Variants in SEMA3C observed in about 807,000 individuals in gnomAD.
The protein encoded by SEMA3C is semaphorin 3C, also known as semaphorin-3C.
SEMA3C carries 47 observed loss-of-function variants against 89.4 expected under a neutral mutation model. The ratio of observed to expected loss-of-function variants is 0.53; its 90% CI spans 0.42 to 0.67. The LOEUF is 0.67. Ranked by LOEUF, SEMA3C falls within the 30% of genes least tolerant of loss-of-function variation. SEMA3C has a pLI of 0.00. For synonymous variants in SEMA3C, 310 were observed against 320.2 expected (o/e 0.97, Z 0.34); for missense variants, 839 against 929.1 (o/e 0.90, Z 1.26).
In SEMA3C at chr7:80,787,622, G is replaced by T. The variant is rs1307982104; in HGVS notation, c.1354+1684C>A. Among the ~76,000 whole-genome samples, 6 of 152,100 alleles carry T rather than the reference G, an allele frequency of 3.9e-5. No homozygotes were observed. In the South Asian group the frequency reaches 1.0e-3, roughly 26 times the overall value. On this transcript the variant is annotated intron_variant, in intron 12 of 17. Transcript: ENST00000265361. ...AAAGCCTATATTTTTCTTATCATGA[G>T]ACCATGTAAGACCTTGACAAAATCT... is the stretch of plus-strand genomic sequence containing the variant.
intron 11 of SEMA3C, among the ~76,000 whole-genome samples, chr7:80,794,977 G>A (rs375074125): frequency 1.3e-5 from 2 of 152,166 alleles, no homozygotes; most frequent in Non-Finnish European, 2.9e-5. Context: ...ACATTAGAAC[G>A]AGGGTATGAG....
intron 2 of SEMA3C, among the ~76,000 whole-genome samples, chr7:80,847,986 T>A (rs532917969): frequency 6.6e-5 from 10 of 152,326 alleles, no homozygotes; most frequent in African/African-American, 2.2e-4. Flanking sequence ...TACCCCAACA[T>A]AAACTTTGAA....
chr7:80,763,334 T>C (rs1017872296), intron 13 of SEMA3C, among the ~76,000 whole-genome samples: 2 of 152,172 alleles, frequency 1.3e-5, no homozygotes, highest in South Asian at 4.1e-4. Flanking sequence ...CCAATTATTT[T>C]TACCTCACCT....
At chr7:80,839,769 GTA>G (rs1252031925) in intron 2 of SEMA3C, among the ~76,000 whole-genome samples, 1 of 151,710 alleles carries the variant, frequency 6.6e-6, no homozygotes, top group Non-Finnish European at 1.5e-5. Flanking sequence ...ACCTGACATG[GTA>G]TATCATGTCA....
At chr7:80,822,552 T>C (rs1321587354) in intron 4 of SEMA3C, among the ~76,000 whole-genome samples, 2 of 152,256 alleles carry the variant, frequency 1.3e-5, no homozygotes, top group African/African-American at 2.4e-5. Flanking sequence ...CATCCTACCA[T>C]AGTCTTCAGA....
chr7:80,905,228 G>A (rs1271867556), intron 2 of SEMA3C, among the ~76,000 whole-genome samples: 34 of 113,542 alleles, frequency 3.0e-4, no homozygotes, highest in African/African-American at 1.1e-3. Context: ...GAGACAGGGA[G>A]AGAGAGGGAG....
intron 15 of SEMA3C, among the ~76,000 whole-genome samples, chr7:80,754,234 G>T (rs920341728): frequency 6.6e-6 from 1 of 152,012 alleles, no homozygotes; most frequent in African/African-American, 2.4e-5. Context: ...ACTGCGCCCG[G>T]CATGTTTACT....
At chr7:80,840,043 G>A (rs1306177141) in intron 2 of SEMA3C, among the ~76,000 whole-genome samples, 1 of 151,798 alleles carries the variant, frequency 6.6e-6, no homozygotes, top group Non-Finnish European at 1.5e-5. Flanking sequence ...GAAGTCTCTT[G>A]TCCCTCTCAC....
intron 12 of SEMA3C, among the ~76,000 whole-genome samples, chr7:80,781,760 T>C (rs1788695949): frequency 6.6e-6 from 1 of 152,154 alleles, no homozygotes; most frequent in Non-Finnish European, 1.5e-5. Context: ...GTCTTCAGGC[T>C]AGAAAATTTT....
At chr7:80,881,301 C>G (rs753315365) in intron 2 of SEMA3C, among the ~76,000 whole-genome samples, 1 of 152,042 alleles carries the variant, frequency 6.6e-6, no homozygotes, top group African/African-American at 2.4e-5. Flanking sequence ...AAATATTGTT[C>G]TACTTATAGT....
At chr7:80,765,664 C>A (rs573379614) in intron 12 of SEMA3C, among the ~76,000 whole-genome samples, 10 of 152,232 alleles carry the variant, frequency 6.6e-5, no homozygotes, top group Admixed American at 1.3e-4. Context: ...GCAACCTCCA[C>A]CTTCCGGGTT....
intron 2 of SEMA3C, among the ~76,000 whole-genome samples, chr7:80,835,591 G>GA (rs1291929065): frequency 2.7e-5 from 4 of 150,084 alleles, no homozygotes; most frequent in Non-Finnish European, 3.0e-5. Context: ...TGTCTGTTTA[G>GA]AAAAAAAAAT....
At chr7:80,863,660 C>CATAT (rs57236307) in intron 2 of SEMA3C, among the ~76,000 whole-genome samples, 54 of 147,326 alleles carry the variant, frequency 3.7e-4, no homozygotes, top group Admixed American at 1.7e-3. Context: ...ATATATATCA[C>CATAT]ATATATATAT....
chr7:80,870,893 CAG>C (rs2116045580), intron 2 of SEMA3C, among the ~76,000 whole-genome samples: 1 of 152,258 alleles, frequency 6.6e-6, no homozygotes, highest in East Asian at 1.9e-4. Context: ...CAAATCGCTC[CAG>C]AGATGCCACA....
At chr7:80,879,774 T>C (rs970646149) in intron 2 of SEMA3C, among the ~76,000 whole-genome samples, 4 of 152,164 alleles carry the variant, frequency 2.6e-5, no homozygotes, top group African/African-American at 9.7e-5. Flanking sequence ...AACACCAACA[T>C]AGAATAAGCA....
intron 12 of SEMA3C, among the ~76,000 whole-genome samples, chr7:80,783,813 C>T (rs567572169): frequency 6.6e-6 from 1 of 152,304 alleles, no homozygotes; most frequent in South Asian, 2.1e-4. Flanking sequence ...AAACTCCACA[C>T]TTTCAGAGGA....
intron 11 of SEMA3C, among the ~76,000 whole-genome samples, chr7:80,792,696 T>A (rs1411044940): frequency 6.6e-6 from 1 of 152,208 alleles, no homozygotes; most frequent in African/African-American, 2.4e-5. Context: ...AGACTTTTTT[T>A]AATACTCCCA....
upstream of SEMA3C, chr7:80,919,319 C>T (rs1361111947): frequency 5.1e-6 from 5 of 985,180 alleles, no homozygotes; most frequent in South Asian, 1.9e-4. Flanking sequence ...AGGCTGGAGC[C>T]CTAGCTCCGC....
chr7:80,901,693 T>A (rs1791884258), intron 2 of SEMA3C, among the ~76,000 whole-genome samples: 1 of 152,216 alleles, frequency 6.6e-6, no homozygotes, highest in African/African-American at 2.4e-5. Flanking sequence ...TCCTAGAATA[T>A]CATCTGCTGT....
Sources: allele counts gnomAD v4.1 joint callset (sites outside exome capture counted in the v4.1 genomes callset), GRCh38; gene constraint gnomAD v4.1.1; transcripts MANE v1.5; gene names NCBI Gene and HGNC (gene_info 2026-07-23, HGNC 2026-07-21).